CALCR: variants seen among roughly 807,000 people sequenced by gnomAD.
CALCR encodes the protein calcitonin receptor.
A neutral mutation model predicts 59.5 loss-of-function variants in CALCR; 47 were observed. The observed-to-expected ratio is 0.79, with a 90% confidence interval of 0.63 to 1.01. CALCR has a LOEUF of 1.01. CALCR is among the 50% of genes least tolerant of loss of function. The probability of loss-of-function intolerance (pLI) is 0.00; values close to 1 mark genes in which losing one functional copy is unlikely to be tolerated. For synonymous variants in CALCR, 213 were observed against 211.3 expected (o/e 1.01, Z -0.07); for missense variants, 566 against 597.1 (o/e 0.95, Z 0.54).
intron 2 of CALCR, among the ~76,000 whole-genome samples, chr7:93,570,826 A>AT (rs747068070): frequency 9.2e-5 from 14 of 152,036 alleles, no homozygotes; most frequent in African/African-American, 2.9e-4. Flanking sequence ...TCCCTGAAAC[A>AT]TTTTTTTTCT....
At chr7:93,515,201 T>C (rs565608396) in intron 2 of CALCR, among the ~76,000 whole-genome samples, 48 of 152,176 alleles carry the variant, frequency 3.2e-4, no homozygotes, top group South Asian at 3.1e-3. Flanking sequence ...AGGATGGCTA[T>C]AAGGAAGACT....
intron 2 of CALCR, among the ~76,000 whole-genome samples, chr7:93,496,652 A>C (rs917514071): frequency 6.6e-6 from 1 of 151,570 alleles, no homozygotes; most frequent in African/African-American, 2.4e-5. Context: ...CATTTCCACC[A>C]ATATCTTGGC....
intron 13 of CALCR, among the ~76,000 whole-genome samples, chr7:93,433,058 T>C (rs1250487806): frequency 6.6e-6 from 1 of 152,054 alleles, no homozygotes; most frequent in Non-Finnish European, 1.5e-5. Flanking sequence ...GGTGAATGGA[T>C]GAAGAAAGAA....
chr7:93,494,743 G>A (rs999357730), intron 2 of CALCR, among the ~76,000 whole-genome samples: 4 of 151,342 alleles, frequency 2.6e-5, no homozygotes, highest in Non-Finnish European at 4.4e-5. Context: ...ACATATACAG[G>A]TAGAGCTGTG....
intron 7 of CALCR, among the ~76,000 whole-genome samples, chr7:93,464,276 C>T (rs980097066): frequency 6.6e-6 from 1 of 151,888 alleles, no homozygotes; most frequent in African/African-American, 2.4e-5. Flanking sequence ...GTATTTTCTC[C>T]TGTATATCTC....
intron 2 of CALCR, among the ~76,000 whole-genome samples, chr7:93,514,929 T>A (rs1801618577): frequency 6.6e-6 from 1 of 151,964 alleles, no homozygotes; most frequent in Non-Finnish European, 1.5e-5. Context: ...GAAAAGGTAA[T>A]CTCATGCTCA....
intron 2 of CALCR, among the ~76,000 whole-genome samples, chr7:93,492,402 T>C (rs887729184): frequency 2.0e-5 from 3 of 151,404 alleles, no homozygotes; most frequent in African/African-American, 7.3e-5. Context: ...TATAAATTAC[T>C]GTCTACAATG....
At chr7:93,529,885 A>T (rs1788786411) in intron 2 of CALCR, among the ~76,000 whole-genome samples, 2 of 152,188 alleles carry the variant, frequency 1.3e-5, no homozygotes, top group African/African-American at 4.8e-5. Flanking sequence ...TGTTTAGAGT[A>T]ACAATCTAAT....
chr7:93,540,286 G>T (rs138266210), intron 2 of CALCR, among the ~76,000 whole-genome samples: 1 of 152,112 alleles, frequency 6.6e-6, no homozygotes, highest in Non-Finnish European at 1.5e-5. Context: ...TACTCTTTCC[G>T]TATGTATGGC....
At chr7:93,561,728 A>G (rs1457760307) in intron 2 of CALCR, among the ~76,000 whole-genome samples, 1 of 152,134 alleles carries the variant, frequency 6.6e-6, no homozygotes, top group African/African-American at 2.4e-5. Flanking sequence ...AGACAGTGAA[A>G]CCCTGAAACC....
intron 5 of CALCR, among the ~76,000 whole-genome samples, chr7:93,474,354 G>A (rs552362059): frequency 3.6e-4 from 54 of 151,482 alleles, no homozygotes; most frequent in Non-Finnish European, 7.5e-4. Flanking sequence ...TGGCTGGATT[G>A]TCTAAAAAAA....
chr7:93,445,810 T>C (rs35811466), intron 8 of CALCR, among the ~76,000 whole-genome samples: 158 of 152,208 alleles, frequency 1.0e-3, no homozygotes, highest in Non-Finnish European at 1.8e-3. Context: ...CACAGCTTTC[T>C]TGTACTTAGG....
chr7:93,473,462 G>A (rs966120436), intron 5 of CALCR, among the ~76,000 whole-genome samples: 1 of 151,708 alleles, frequency 6.6e-6, no homozygotes, highest in African/African-American at 2.4e-5. Flanking sequence ...ACTGGTCAGA[G>A]GAAACAAAAC....
At chr7:93,522,465 G>A (rs1374170452) in intron 2 of CALCR, among the ~76,000 whole-genome samples, 2 of 152,098 alleles carry the variant, frequency 1.3e-5, no homozygotes, top group Non-Finnish European at 2.9e-5. Flanking sequence ...GCACATAGGT[G>A]TGTTCACGTA....
At chr7:93,520,508 T>C (rs1204151339) in intron 2 of CALCR, among the ~76,000 whole-genome samples, 1 of 152,150 alleles carries the variant, frequency 6.6e-6, no homozygotes, top group Non-Finnish European at 1.5e-5. Flanking sequence ...TTGTTCCTTA[T>C]TGTGCCATTT....
At chr7:93,447,907 G>C (rs980378532) in intron 8 of CALCR, among the ~76,000 whole-genome samples, 1 of 151,878 alleles carries the variant, frequency 6.6e-6, no homozygotes, top group Non-Finnish European at 1.5e-5. Flanking sequence ...TGAGGGGCTG[G>C]GGGATCACAG....
Position 93,479,290 on chromosome 7 carries a change from A to G in CALCR, c.205+64T>C, listed in dbSNP as rs1163173293. ...ATTAAAATTATTCAACACATATTTA[A>G]CCACAAAAGAAAATGTCTGTAATGG... is the stretch of plus-strand genomic sequence containing the variant. On this transcript the variant is annotated intron_variant, in intron 4 of 13. Transcript: ENST00000426151. 7 of 1,456,408 alleles carry G rather than the reference A, an allele frequency of 4.8e-6. No homozygotes were observed. The South Asian group carries it at 8.3e-5, about 17-fold the overall frequency. 90.2% of individuals were successfully genotyped at this position (1,456,408 alleles called of 1,614,324 possible).
intron 2 of CALCR, among the ~76,000 whole-genome samples, chr7:93,553,727 A>G (rs1293284451): frequency 6.6e-6 from 1 of 152,164 alleles, no homozygotes; most frequent in African/African-American, 2.4e-5. Context: ...TGCTTTGAAA[A>G]GCACTTGGTT....
intron 2 of CALCR, among the ~76,000 whole-genome samples, chr7:93,489,413 G>A (rs781319335): frequency 1.3e-5 from 2 of 151,242 alleles, no homozygotes; most frequent in Non-Finnish European, 3.0e-5. Context: ...ATAACTAAGA[G>A]CAGAGCAGAA....
Sources: gnomAD v4.1 joint callset for allele counts (sites outside exome capture counted in the v4.1 genomes callset) on GRCh38, gnomAD v4.1.1 for gene constraint, MANE v1.5 for transcripts, NCBI Gene and HGNC (gene_info 2026-07-23, HGNC 2026-07-21) for gene names.